SERPINB3: variants seen among roughly 807,000 people sequenced by gnomAD.
SERPINB3 encodes serpin family B member 3.
Under a neutral mutation model 33.0 loss-of-function variants are expected in SERPINB3, and 33 were observed. That is an observed-to-expected ratio of 1.00 (90% CI 0.76 to 1.34). SERPINB3 has a LOEUF of 1.34. SERPINB3 is among the 40% of genes most tolerant of loss of function. SERPINB3 has a pLI of 0.00. For synonymous variants in SERPINB3, 200 were observed against 170.9 expected (o/e 1.17, Z -1.33); for missense variants, 518 against 461.5 (o/e 1.12, Z -1.12).
chr18:63,657,363 T>C lies in SERPINB3; in HGVS notation c.519A>G (p.Thr173=). The change falls in exon 6 of 8, where the codon ACA becomes ACG. Residue 173 remains threonine, a synonymous_variant. Transcript: ENST00000283752. ...AATAGATTGCGTTCACAAGAACCAA[T>C]GTGGTATTGCTGCCAATATTACCTT... ...IPEGNIGSNT[T]LVLVNAIYFK... 6.2e-7 allele frequency: 1 copy of C among 1,610,768 alleles called. No homozygotes were observed. The highest frequency in any genetic ancestry group is 8.5e-7 in the Non-Finnish European group (1 of 1,177,842).
intron 3 of SERPINB3, among the ~76,000 whole-genome samples, chr18:63,660,364 A>G (rs1913609611): frequency 6.6e-6 from 1 of 152,194 alleles, no homozygotes; most frequent in Admixed American, 6.6e-5. Context: ...TAGTATAATT[A>G]TAGCTATTTT....
At position 63,659,534 on chromosome 18, in the gene SERPINB3, A is replaced by T. The variant is rs768578263; in HGVS notation, c.223-7T>A. Reference sequence around the variant, plus strand: ...CATTTCCTGACCTATCAACCTTCAAACATCAAAAAAGGAGATCATTCAATT... The same window carrying T: ...CATTTCCTGACCTATCAACCTTCAATCATCAAAAAAGGAGATCATTCAATT... On this transcript the variant is annotated splice_polypyrimidine_tract_variant and splice_region_variant and intron_variant, in intron 3 of 7. Transcript: ENST00000283752. 10 of 1,613,464 alleles carry T rather than the reference A, an allele frequency of 6.2e-6. No homozygotes were observed. In the South Asian group the frequency reaches 1.1e-4, roughly 18 times the overall value.
At chr18:63,658,063 G>C (rs1406371350) in intron 5 of SERPINB3, among the ~76,000 whole-genome samples, 1 of 152,104 alleles carries the variant, frequency 6.6e-6, no homozygotes, top group African/African-American at 2.4e-5. Flanking sequence ...GGCTAGAGAT[G>C]TGATCCAGGC....
chr18:63,660,943 C>A (rs977622465), intron 2 of SERPINB3, 87 bp from the exon 3 acceptor site: 37 of 1,610,934 alleles, frequency 2.3e-5, no homozygotes, highest in Non-Finnish European at 3.1e-5. Context: ...AATTCCTGCT[C>A]AGCCCCCTGT....
intron 4 of SERPINB3, among the ~76,000 whole-genome samples, chr18:63,658,836 G>A (rs1157215809): frequency 1.3e-5 from 2 of 152,150 alleles, no homozygotes; most frequent in Admixed American, 1.3e-4. Context: ...GTCACCGAAG[G>A]TCAATATCAT....
At position 63,660,862 on chromosome 18, in the gene SERPINB3, A is replaced by C. The variant is rs1913624305; in HGVS notation, c.166-6T>G. On this transcript the variant is annotated splice_region_variant and splice_polypyrimidine_tract_variant and intron_variant, in intron 2 of 7. Coordinates refer to ENST00000283752, the MANE Select transcript of SERPINB3 (RefSeq NM_006919.3). ...ACTTGATCAAAGTGAAGAACCTGGA[A>C]GAGACATGAAGCGGGACAAGAAAAC... 1 of 1,613,250 alleles carries C rather than the reference A, an allele frequency of 6.2e-7. No homozygotes were observed. The highest frequency in any genetic ancestry group is 1.3e-5 in the African/African-American group (1 of 74,882).
intron 3 of SERPINB3, 135 bp from the exon 4 acceptor site, chr18:63,659,662 G>C: frequency 3.3e-6 from 4 of 1,217,184 alleles, no homozygotes; most frequent in African/African-American, 1.5e-5. Context: ...CTGATACTTG[G>C]TGTATTTCAC....
chr18:63,659,884 A>G (rs1913597160), intron 3 of SERPINB3, among the ~76,000 whole-genome samples: 1 of 152,196 alleles, frequency 6.6e-6, no homozygotes, highest in East Asian at 1.9e-4. Context: ...TCTAACAGTC[A>G]TCAAGGATAT....
rs1028828123 is a variant in SERPINB3 at position 63,660,824 on chromosome 18, G to T, written c.198C>A (p.Thr66=). 2.5e-6 allele frequency: 4 copies of T among 1,613,158 alleles called. No homozygotes were observed. The highest frequency in any genetic ancestry group is 3.4e-6 in the Non-Finnish European group (4 of 1,179,578). ...VLHFDQVTEN[T]TGKAATYHVD... is the part of the protein sequence containing the mutation. ...CATGATATGTTGCAGCTTTTCCTGT[G>T]GTGTTCTCTGTGACTTGATCAAAGT... Residue 66 remains threonine (T), a synonymous_variant, in exon 3 of 8, where the codon ACC becomes ACA. Coordinates refer to ENST00000283752, the MANE Select transcript of SERPINB3 (RefSeq NM_006919.3).
At chr18:63,661,722 C>T (rs1913651764) in intron 1 of SERPINB3, 124 bp downstream of exon 1, 1 of 154,290 alleles carries the variant, frequency 6.5e-6, no homozygotes, top group African/African-American at 2.4e-5. Flanking sequence ...TTTAATTTTG[C>T]TCTGGCAGAA....
intron 7 of SERPINB3, among the ~76,000 whole-genome samples, chr18:63,656,593 A>G (rs1364982455): frequency 1.3e-5 from 2 of 152,222 alleles, no homozygotes; most frequent in Admixed American, 6.5e-5. Context: ...GCATAATAAT[A>G]TCATTAAATT....
rs1199358511 is a variant in SERPINB3 at position 63,661,186 on chromosome 18, A to G, written c.31T>C (p.Phe11Leu). Residue 11 changes from phenylalanine (F) to leucine (L), a missense_variant, in exon 2 of 8, where the codon TTC becomes CTC. Phe to Leu is a conservative substitution (Grantham distance 22). Transcript: ENST00000283752. MNSLSEANTK[F>L]MFDLFQQFRK... is the part of the protein sequence containing the mutation. ...AACTGTTGGAACAGGTCGAACATGA[A>G]CTTGGTGTTGGCTTCACTGAGTGAA... 15 of 1,613,480 alleles carry G rather than the reference A, an allele frequency of 9.3e-6. No homozygotes were observed. Among genetic ancestry groups the G allele is most frequent in the Non-Finnish European group, 1.3e-5 (15 of 1,179,570 alleles).
In SERPINB3 at chr18:63,655,817, T is replaced by C; in HGVS notation, c.1013A>G (p.Glu338Gly). Residue 338 changes from glutamate to glycine, a missense_variant, in exon 8 of 8, where the codon GAG becomes GGG. Coordinates refer to ENST00000283752, the MANE Select transcript of SERPINB3 (RefSeq NM_006919.3). Reference protein sequence around the residue: ...VLHKAFVEVTEEGAEAAAATA... With the variant: ...VLHKAFVEVTGEGAEAAAATA... ...GGCAGCTGCAGCTTCTGCTCCCTCC[T>C]CTGTAACCTCCACAAAGGCCTTGTG... is the stretch of plus-strand genomic sequence containing the variant. 6.2e-7 allele frequency: 1 copy of C among 1,613,954 alleles called. No individual in the cohort carries two copies. Among genetic ancestry groups the C allele is most frequent in the Non-Finnish European group, 8.5e-7 (1 of 1,179,942 alleles).
chr18:63,658,500 G>A lies in SERPINB3; in HGVS notation c.469+13C>T. The A allele has an allele frequency of 2.5e-6, 4 of 1,600,102 alleles. No individual in the cohort carries two copies. The highest frequency in any genetic ancestry group is 3.4e-6 in the Non-Finnish European group (4 of 1,168,512). ...TTTCTCAAAGGTGTTTCTATAATGG[G>A]TGGCTCTCCTACCATTCGTTTGACT... On this transcript the variant is annotated intron_variant, in intron 5 of 7. Coordinates refer to ENST00000283752, the MANE Select transcript of SERPINB3 (RefSeq NM_006919.3).
rs756065094 is a variant in SERPINB3 at position 63,661,075 on chromosome 18, T to G, written c.142A>C (p.Asn48His). 6.2e-7 allele frequency: 1 copy of G among 1,613,622 alleles called. No homozygotes were observed. The highest frequency in any genetic ancestry group is 1.1e-5 in the South Asian group (1 of 91,060). The change falls in exon 2 of 8, where the codon AAC (asparagine) becomes CAC (histidine). Residue 48 changes from asparagine to histidine, a missense_variant. Asn to His is a moderately conservative substitution (Grantham distance 68). Transcript: ENST00000283752. The stretch of plus-strand genomic sequence containing the variant: ...ACCTTCTTAATCTGTTGTGCAGTGT[T>G]GTCTTTGGCTCCTAAGAGGACCATC... ...LGMVLLGAKD[N>H]TAQQIKKVLH...
chr18:63,657,969 G>A (rs1913542554), intron 5 of SERPINB3, among the ~76,000 whole-genome samples: 1 of 151,738 alleles, frequency 6.6e-6, no homozygotes, highest in African/African-American at 2.4e-5. Flanking sequence ...GTGGGAGGTA[G>A]GATAGATGTC....
At position 63,661,246 on chromosome 18, in the gene SERPINB3, G is replaced by A. The variant is rs1260459784; in HGVS notation, c.-26-4C>T. 4 of 1,602,278 alleles carry A rather than the reference G, an allele frequency of 2.5e-6. No homozygotes were observed. Among genetic ancestry groups the A allele is most frequent in the Admixed American group, 1.7e-5 (1 of 58,076 alleles). On this transcript the variant is annotated splice_region_variant and splice_polypyrimidine_tract_variant and intron_variant, in intron 1 of 7. Coordinates refer to ENST00000283752, the MANE Select transcript of SERPINB3 (RefSeq NM_006919.3). ...AACTCGATGTGATCTGGAACTCCTGGAAAAGCATCAGATTCCTGTCAGAAT... is the reference window on the plus strand; with the variant it reads ...AACTCGATGTGATCTGGAACTCCTGAAAAAGCATCAGATTCCTGTCAGAAT...
chr18:63,661,292 T>A, intron 1 of SERPINB3, 50 bp from the exon 2 acceptor site: 2 of 1,508,696 alleles, frequency 1.3e-6, no homozygotes, highest in Middle Eastern at 1.8e-4. Context: ...AATGGAATGG[T>A]ATTTTGTAGT....
At chr18:63,657,993 A>C (rs73962336) in intron 5 of SERPINB3, among the ~76,000 whole-genome samples, 7,454 of 151,686 alleles carry the variant, frequency 0.049, 607 homozygotes, top group African/African-American at 0.17. Context: ...AGAATGGAGA[A>C]TTTGTTAAGC....
Sources: gnomAD v4.1 joint callset for allele counts (sites outside exome capture counted in the v4.1 genomes callset) on GRCh38, gnomAD v4.1.1 for gene constraint, MANE v1.5 for transcripts, NCBI Gene and HGNC (gene_info 2026-07-23, HGNC 2026-07-21) for gene names.